SLCO1B1: variants seen among roughly 807,000 people sequenced by gnomAD.
SLCO1B1 encodes the protein solute carrier organic anion transporter family member 1B1, also known as OATP-2.
A neutral mutation model predicts 70.1 loss-of-function variants in SLCO1B1; 81 were observed. The ratio of observed to expected loss-of-function variants is 1.16; its 90% CI spans 0.97 to 1.39. The LOEUF (loss-of-function observed/expected upper bound fraction) is 1.39, where lower values mean the gene tolerates loss of function less well. Among genes scored for constraint, SLCO1B1 ranks in the 40% most tolerant of loss-of-function variants. SLCO1B1 has a pLI of 0.00. For synonymous variants in SLCO1B1, 283 were observed against 271.5 expected (o/e 1.04, Z -0.42); for missense variants, 895 against 799.6 (o/e 1.12, Z -1.44).
intron 1 of SLCO1B1, among the ~76,000 whole-genome samples, chr12:21,134,860 T>C (rs572144979): frequency 6.6e-6 from 1 of 152,216 alleles, no homozygotes; most frequent in Non-Finnish European, 1.5e-5. Flanking sequence ...GGTAGTTATT[T>C]CTTGCCTTCT....
At chr12:21,201,222 T>C (rs922276532) in intron 9 of SLCO1B1, among the ~76,000 whole-genome samples, 1 of 152,120 alleles carries the variant, frequency 6.6e-6, no homozygotes, top group South Asian at 2.1e-4. Flanking sequence ...ACAACTCTAG[T>C]ATTGTAGACA....
At chr12:21,148,274 G>A (rs187870453) in intron 2 of SLCO1B1, among the ~76,000 whole-genome samples, 5 of 152,236 alleles carry the variant, frequency 3.3e-5, no homozygotes, top group Non-Finnish European at 7.4e-5. Context: ...TAGTCATGAA[G>A]TATTTGTCCA....
intron 2 of SLCO1B1, among the ~76,000 whole-genome samples, chr12:21,151,066 C>T (rs1315932704): frequency 6.6e-6 from 1 of 152,118 alleles, no homozygotes; most frequent in Non-Finnish European, 1.5e-5. Context: ...GATATTATAG[C>T]CTACTACACA....
intron 14 of SLCO1B1, among the ~76,000 whole-genome samples, chr12:21,231,568 T>A: frequency 1.5e-5 from 2 of 135,540 alleles, no homozygotes; most frequent in East Asian, 2.0e-4. Flanking sequence ...GTGAGAAAAA[T>A]AAATAAATAA....
intron 1 of SLCO1B1, among the ~76,000 whole-genome samples, chr12:21,140,325 T>C (rs184309297): frequency 1.3e-5 from 2 of 152,214 alleles, no homozygotes; most frequent in East Asian, 3.9e-4. Context: ...TACATAAATA[T>C]GTATTGTTTA....
chr12:21,134,600 G>T (rs1029619236), intron 1 of SLCO1B1, among the ~76,000 whole-genome samples: 6 of 152,162 alleles, frequency 3.9e-5, no homozygotes, highest in Non-Finnish European at 8.8e-5. Flanking sequence ...ATTTCTGCTA[G>T]ATTTTCTAGT....
At chr12:21,137,824 C>A (rs573397379) in intron 1 of SLCO1B1, among the ~76,000 whole-genome samples, 13 of 152,336 alleles carry the variant, frequency 8.5e-5, no homozygotes, top group African/African-American at 1.9e-4. Context: ...GGCTTGCGCA[C>A]GGTGCGCTTC....
rs1424587151 is a variant in SLCO1B1, at chr12:21,239,663, T to C, written c.*474T>C. On this transcript the variant is annotated 3_prime_UTR_variant, in exon 15 of 15. Transcript: ENST00000256958. ...AGTCTAGCTTGGATATATGCTACAA[T>C]AATATCTGTTACTCACATAAAATTA... is the stretch of plus-strand genomic sequence containing the variant. Among the ~76,000 whole-genome samples the C allele has an allele frequency of 1.3e-5, 2 of 152,192 alleles. No individual in the cohort carries two copies. Among genetic ancestry groups the C allele is most frequent in the Non-Finnish European group, 2.9e-5 (2 of 68,028 alleles).
At chr12:21,141,797 G>A in intron 2 of SLCO1B1, 139 bp downstream of exon 2, 1 of 566,700 alleles carries the variant, frequency 1.8e-6, no homozygotes, top group Admixed American at 3.0e-5. Context: ...TTAACATAAT[G>A]ATTCATACCT....
intron 2 of SLCO1B1, among the ~76,000 whole-genome samples, chr12:21,169,428 T>C (rs902579048): frequency 6.6e-6 from 1 of 152,122 alleles, no homozygotes; most frequent in Non-Finnish European, 1.5e-5. Flanking sequence ...TTCTTTTTGC[T>C]CCTGTGACTC....
Position 21,148,269 on chromosome 12 carries a change from A to G in SLCO1B1, c.84+6611A>G, listed in dbSNP as rs534471609. ...TGCCATTGCTTTTTGTGTTTTAGTC[A>G]TGAAGTATTTGTCCATGCCTATGTC... On this transcript the variant is annotated intron_variant, in intron 2 of 14. Coordinates refer to ENST00000256958, the MANE Select transcript of SLCO1B1 (RefSeq NM_006446.5). Among the ~76,000 whole-genome samples the G allele has an allele frequency of 2.2e-4, 34 of 152,234 alleles. No individual in the cohort carries two copies. In the Middle Eastern group the frequency reaches 0.01, roughly 46 times the overall value.
intron 7 of SLCO1B1, among the ~76,000 whole-genome samples, chr12:21,191,724 G>A (rs373523979): frequency 1.2e-4 from 19 of 152,124 alleles, no homozygotes; most frequent in African/African-American, 4.6e-4. Context: ...AAAGCTTTCT[G>A]TTTTTCACTC....
chr12:21,193,399 T>C (rs1432092362), intron 7 of SLCO1B1, among the ~76,000 whole-genome samples: 1 of 152,182 alleles, frequency 6.6e-6, no homozygotes, highest in Non-Finnish European at 1.5e-5. Flanking sequence ...CTAGAACCAT[T>C]GTTCACAGAT....
intron 1 of SLCO1B1, among the ~76,000 whole-genome samples, chr12:21,139,194 T>TA (rs879740384): frequency 6.6e-6 from 1 of 151,688 alleles, no homozygotes; most frequent in East Asian, 1.9e-4. Context: ...ATAATTTTTT[T>TA]AAAAAAAGAT....
At chr12:21,169,217 A>G (rs1940729514) in intron 2 of SLCO1B1, among the ~76,000 whole-genome samples, 1 of 152,074 alleles carries the variant, frequency 6.6e-6, no homozygotes, top group Non-Finnish European at 1.5e-5. Context: ...GTGTCTTGGT[A>G]TAGAGTTTTT....
intron 2 of SLCO1B1, among the ~76,000 whole-genome samples, chr12:21,152,545 T>TTTTTTTTTTTTTTTTTTTTTTTC (rs1940487472): frequency 7.1e-6 from 1 of 141,524 alleles, no homozygotes; most frequent in Admixed American, 7.3e-5. Flanking sequence ...TTTTTTTTTT[T>TTTTTTTTTTTTTTTTTTTTTTTC]TTTTTTGCCT....
At chr12:21,185,162 T>C (rs1940949915) in intron 7 of SLCO1B1, among the ~76,000 whole-genome samples, 1 of 152,042 alleles carries the variant, frequency 6.6e-6, no homozygotes, top group African/African-American at 2.4e-5. Flanking sequence ...CACACCATGA[T>C]AGTGGAAGAC....
chr12:21,227,217 T>A (rs747555902), intron 14 of SLCO1B1, among the ~76,000 whole-genome samples: 22 of 149,524 alleles, frequency 1.5e-4, no homozygotes, highest in Middle Eastern at 6.8e-3. Flanking sequence ...AGGGAGTAAT[T>A]AGATAAATAG....
chr12:21,131,754 G>A (rs1940136758), intron 1 of SLCO1B1, among the ~76,000 whole-genome samples: 1 of 152,042 alleles, frequency 6.6e-6, no homozygotes, highest in Non-Finnish European at 1.5e-5. Context: ...GTTTGATACA[G>A]GGTGAAGGGA....
Sources: allele counts gnomAD v4.1 joint callset (sites outside exome capture counted in the v4.1 genomes callset), GRCh38; gene constraint gnomAD v4.1.1; transcripts MANE v1.5; gene names NCBI Gene and HGNC (gene_info 2026-07-23, HGNC 2026-07-21).